TAFA2: variants seen among roughly 807,000 people sequenced by gnomAD.
The protein encoded by TAFA2 is TAFA chemokine like family member 2, also known as chemokine-like protein TAFA-2.
A neutral mutation model predicts 18.8 loss-of-function variants in TAFA2; 7 were observed. That is an observed-to-expected ratio of 0.37 (90% confidence interval 0.21 to 0.70). The LOEUF (loss-of-function observed/expected upper bound fraction) is 0.70. Among genes scored for constraint, TAFA2 ranks in the 30% least tolerant of loss-of-function variants. The pLI is 0.53. For missense variants in TAFA2, 122 were observed against 158.1 expected (o/e 0.77, Z 1.23); for synonymous variants, 60 against 54.2 (o/e 1.11, Z -0.47).
At position 61,710,260 on chromosome 12, in the gene TAFA2, G is replaced by A. The variant is rs1440071984; in HGVS notation, c.*146C>T. 3 of 676,254 alleles carry A rather than the reference G, an allele frequency of 4.4e-6. No homozygotes were observed. Among genetic ancestry groups the A allele is most frequent in the Non-Finnish European group, 7.8e-6 (3 of 384,662 alleles). The allele number at this position is 676,254 out of a possible 1,614,324, so 41.9% of individuals were successfully genotyped here. A position where few individuals can be genotyped will look rare whatever the true frequency, so the allele number is the denominator to read the frequency against. On this transcript the variant is annotated 3_prime_UTR_variant, in exon 5 of 5. Coordinates refer to ENST00000416284, the MANE Select transcript of TAFA2 (RefSeq NM_178539.5). ...TTTTAAAAAGTCTTGATTTCAAGAA[G>A]AGGCCATGAAATCCCTTGGAAATAG... is the stretch of plus-strand genomic sequence containing the variant.
intron 2 of TAFA2, among the ~76,000 whole-genome samples, chr12:61,835,247 T>A (rs1592421755): frequency 1.3e-5 from 2 of 152,082 alleles, no homozygotes; most frequent in South Asian, 4.1e-4. Flanking sequence ...TATGTAGATA[T>A]AAATAACGAT....
At chr12:62,064,926 G>C (rs1426801149) in intron 1 of TAFA2, among the ~76,000 whole-genome samples, 1 of 151,946 alleles carries the variant, frequency 6.6e-6, no homozygotes, top group Admixed American at 6.6e-5. Flanking sequence ...TTATAAACTA[G>C]AGGTTCAGTT....
At chr12:61,847,220 C>T (rs951184758) in intron 2 of TAFA2, among the ~76,000 whole-genome samples, 11 of 152,220 alleles carry the variant, frequency 7.2e-5, no homozygotes, top group Middle Eastern at 3.4e-3. Context: ...TCCCTCTCTG[C>T]GAATAGATAA....
At chr12:61,824,239 T>C (rs1267170339) in intron 2 of TAFA2, among the ~76,000 whole-genome samples, 2 of 152,266 alleles carry the variant, frequency 1.3e-5, no homozygotes, top group Middle Eastern at 3.4e-3. Flanking sequence ...GTTGAGCCTC[T>C]GATGAGACTG....
At chr12:61,952,574 C>A (rs1878507236) in intron 1 of TAFA2, among the ~76,000 whole-genome samples, 2 of 151,938 alleles carry the variant, frequency 1.3e-5, no homozygotes, top group Non-Finnish European at 2.9e-5. Flanking sequence ...CCATTGGAAA[C>A]AAAAAGACCT....
At chr12:61,921,548 T>A (rs1012238857) in intron 1 of TAFA2, among the ~76,000 whole-genome samples, 18 of 152,078 alleles carry the variant, frequency 1.2e-4, no homozygotes, top group Admixed American at 8.5e-4. Context: ...TGGTGGGGTA[T>A]GGTGTGGTGT....
chr12:62,001,087 GC>G (rs1025439013), intron 1 of TAFA2, among the ~76,000 whole-genome samples: 1 of 152,182 alleles, frequency 6.6e-6, no homozygotes, highest in Non-Finnish European at 1.5e-5. Flanking sequence ...GAACATTGTA[GC>G]AAAAACCCTG....
At chr12:61,860,587 A>T (rs1219945245) in intron 2 of TAFA2, among the ~76,000 whole-genome samples, 1 of 151,582 alleles carries the variant, frequency 6.6e-6, no homozygotes, top group Non-Finnish European at 1.5e-5. Context: ...ACTGTGCATC[A>T]CCATCCTCTT....
chr12:61,941,187 T>C (rs1477701640), intron 1 of TAFA2, among the ~76,000 whole-genome samples: 1 of 152,148 alleles, frequency 6.6e-6, no homozygotes. Context: ...CACCAAATTT[T>C]GAAAACAGTA....
At chr12:61,736,813 T>C (rs1363909090) in intron 4 of TAFA2, among the ~76,000 whole-genome samples, 1 of 152,040 alleles carries the variant, frequency 6.6e-6, no homozygotes, top group East Asian at 1.9e-4. Context: ...AATGACTCTC[T>C]AATGCAAGAA....
At chr12:61,742,423 C>T (rs1380934059) in intron 4 of TAFA2, among the ~76,000 whole-genome samples, 1 of 152,066 alleles carries the variant, frequency 6.6e-6, no homozygotes, top group Non-Finnish European at 1.5e-5. Context: ...CTGTAGGTTC[C>T]ATATCCTTGT....
chr12:61,736,771 C>G lies in TAFA2; in HGVS notation c.384+16851G>C, dbSNP rs990494686. Among the ~76,000 whole-genome samples the G allele has an allele frequency of 3.9e-5, 6 of 152,052 alleles. No homozygotes were observed. The South Asian group carries it at 8.3e-4, about 21-fold the overall frequency. On this transcript the variant is annotated intron_variant, in intron 4 of 4. Coordinates refer to ENST00000416284, the MANE Select transcript of TAFA2 (RefSeq NM_178539.5). ...ATGGAAATTTACTTTTAACAAATAA[C>G]TCCTAGATGTAAAGTCTTCAGGCTG... is the stretch of plus-strand genomic sequence containing the variant.
intron 1 of TAFA2, among the ~76,000 whole-genome samples, chr12:62,089,828 T>C (rs1334078410): frequency 6.6e-6 from 1 of 152,092 alleles, no homozygotes; most frequent in Admixed American, 6.6e-5. Flanking sequence ...CCAAACATAC[T>C]TGATTCCACT....
At chr12:61,792,778 GA>G (rs1207212728) in intron 2 of TAFA2, among the ~76,000 whole-genome samples, 9 of 149,840 alleles carry the variant, frequency 6.0e-5, no homozygotes, top group South Asian at 2.1e-4. Context: ...AACTTTAAGA[GA>G]AAAAAAATAA....
chr12:62,097,236 G>T (rs1212487623), intron 1 of TAFA2, among the ~76,000 whole-genome samples: 3 of 152,134 alleles, frequency 2.0e-5, no homozygotes, highest in Non-Finnish European at 4.4e-5. Flanking sequence ...ATTAGAACTT[G>T]CAGTAATATA....
intron 1 of TAFA2, chr12:62,198,143 C>T (rs1052167514): frequency 2.0e-5 from 3 of 152,084 alleles, no homozygotes; most frequent in Non-Finnish European, 4.4e-5. Context: ...CCTCAAATCC[C>T]CACAACATCT....
At chr12:62,170,556 T>C (rs141631941) in intron 1 of TAFA2, among the ~76,000 whole-genome samples, 1 of 152,366 alleles carries the variant, frequency 6.6e-6, no homozygotes, top group East Asian at 1.9e-4. Context: ...TTATTACTTC[T>C]CTATAGGATT....
At chr12:62,187,306 AT>A (rs1224988643) in intron 1 of TAFA2, among the ~76,000 whole-genome samples, 1 of 152,160 alleles carries the variant, frequency 6.6e-6, no homozygotes, top group Non-Finnish European at 1.5e-5. Flanking sequence ...TGTATTAACA[AT>A]GGCTCAAACA....
intron 1 of TAFA2, among the ~76,000 whole-genome samples, chr12:62,056,030 G>T (rs905858871): frequency 3.9e-5 from 6 of 152,122 alleles, no homozygotes; most frequent in African/African-American, 1.2e-4. Flanking sequence ...CAGGATTTCA[G>T]TATATGCCCA....
Sources: allele counts gnomAD v4.1 joint callset (sites outside exome capture counted in the v4.1 genomes callset), GRCh38; gene constraint gnomAD v4.1.1; transcripts MANE v1.5; gene names NCBI Gene and HGNC (gene_info 2026-07-23, HGNC 2026-07-21).